SORCS2: variants seen among roughly 807,000 people sequenced by gnomAD.
SORCS2 encodes sortilin related VPS10 domain containing receptor 2.
In SORCS2, 100 loss-of-function variants were observed where a neutral mutation model predicts 141.6. The observed-to-expected ratio is 0.71, with a 90% CI of 0.60 to 0.83. The LOEUF (loss-of-function observed/expected upper bound fraction) is 0.83, where lower values mean the gene tolerates loss of function less well. Among genes scored for constraint, SORCS2 ranks in the 40% least tolerant of loss-of-function variants. SORCS2 has a pLI of 0.00. For missense variants in SORCS2, 1,646 were observed against 1,560.2 expected (o/e 1.05, Z -0.93); for synonymous variants, 789 against 676.9 (o/e 1.17, Z -2.57).
intron 2 of SORCS2, among the ~76,000 whole-genome samples, chr4:7,414,991 C>G (rs1345009100): frequency 6.6e-6 from 1 of 152,084 alleles, no homozygotes; most frequent in East Asian, 1.9e-4. Context: ...TCCGGCTTTC[C>G]TAGCTAGAGA....
At chr4:7,703,665 C>T (rs1383991520) in intron 13 of SORCS2, among the ~76,000 whole-genome samples, 1 of 152,150 alleles carries the variant, frequency 6.6e-6, no homozygotes, top group Non-Finnish European at 1.5e-5. Flanking sequence ...TAGTAAAGTG[C>T]AGGGATTGGG....
chr4:7,313,299 A>G (rs139215261), intron 1 of SORCS2, among the ~76,000 whole-genome samples: 98 of 152,356 alleles, frequency 6.4e-4, no homozygotes, highest in African/African-American at 2.3e-3. Context: ...TTGTTAGAAA[A>G]TCATGGAGTG....
At chr4:7,323,737 A>C (rs1719054081) in intron 1 of SORCS2, among the ~76,000 whole-genome samples, 1 of 152,014 alleles carries the variant, frequency 6.6e-6, no homozygotes, top group East Asian at 1.9e-4. Context: ...GTTTGCCACT[A>C]TCACTCTACC....
intron 3 of SORCS2, among the ~76,000 whole-genome samples, chr4:7,601,610 C>G (rs1717673703): frequency 1.1e-5 from 1 of 94,052 alleles, no homozygotes; most frequent in African/African-American, 4.8e-5. Context: ...CAAAGCAAGA[C>G]TCTCTCAAAA....
chr4:7,410,714 A>G (rs563481054), intron 2 of SORCS2, among the ~76,000 whole-genome samples: 19 of 152,264 alleles, frequency 1.2e-4, no homozygotes, highest in Non-Finnish European at 2.5e-4. Flanking sequence ...TTTAAACAAG[A>G]GTCACAGCAG....
chr4:7,288,041 T>A (rs765400618), intron 1 of SORCS2, among the ~76,000 whole-genome samples: 18 of 152,234 alleles, frequency 1.2e-4, no homozygotes, highest in Non-Finnish European at 1.8e-4. Flanking sequence ...GGAGGCGTCC[T>A]GAAAGCCAGC....
intron 9 of SORCS2, among the ~76,000 whole-genome samples, chr4:7,681,266 G>GATC: frequency 6.6e-6 from 1 of 152,344 alleles, no homozygotes; most frequent in Non-Finnish European, 1.5e-5. Flanking sequence ...GGTTGCAGAA[G>GATC]GAATTAAGGC....
At chr4:7,649,145 G>C (rs1721270735) in intron 4 of SORCS2, among the ~76,000 whole-genome samples, 1 of 152,206 alleles carries the variant, frequency 6.6e-6, no homozygotes, top group Admixed American at 6.5e-5. Flanking sequence ...GCAAAGGCCT[G>C]ACCCGGGGGA....
chr4:7,557,638 A>G (rs982911085), intron 3 of SORCS2, among the ~76,000 whole-genome samples: 15 of 152,228 alleles, frequency 9.9e-5, no homozygotes, highest in Non-Finnish European at 2.2e-4. Context: ...GGGCTTTTCC[A>G]TCTCCAGTGC....
chr4:7,543,729 CAT>C (rs1712941215), intron 3 of SORCS2, among the ~76,000 whole-genome samples: 1 of 129,990 alleles, frequency 7.7e-6, no homozygotes, highest in African/African-American at 3.0e-5. Context: ...CCCATCCACC[CAT>C]CCACCCATCC....
chr4:7,589,506 G>T (rs536830564), intron 3 of SORCS2, among the ~76,000 whole-genome samples: 1 of 152,122 alleles, frequency 6.6e-6, no homozygotes, highest in Admixed American at 6.5e-5. Flanking sequence ...GGGTTCAAGC[G>T]ATTCTTCTGC....
At chr4:7,452,870 CAGGTGCCGTGTTGGGGTCAGGCGCT>C (rs1728562028) in intron 2 of SORCS2, among the ~76,000 whole-genome samples, 1 of 136,274 alleles carries the variant, frequency 7.3e-6, no homozygotes, top group Non-Finnish European at 1.6e-5. Context: ...GTGTTGGGGT[CAGGTGCCGTGTTGGGGTCAGGCGCT>C]GTGTTGGGGT....
chr4:7,252,834 A>T (rs911296905), intron 1 of SORCS2, among the ~76,000 whole-genome samples: 6 of 152,242 alleles, frequency 3.9e-5, no homozygotes, highest in Non-Finnish European at 8.8e-5. Context: ...CTGGTTCCTC[A>T]TGAGTGGCAA....
intron 11 of SORCS2, among the ~76,000 whole-genome samples, chr4:7,695,296 ATGGGTGAGTGAATGGG>A (rs1724530191): frequency 2.0e-5 from 1 of 49,172 alleles, no homozygotes; most frequent in Non-Finnish European, 3.8e-5. Flanking sequence ...GGATGGTTGG[ATGGGTGAGTGAATGGG>A]TGGGTGGGTG....
chr4:7,451,184 G>A (rs892132158), intron 2 of SORCS2, among the ~76,000 whole-genome samples: 10 of 152,226 alleles, frequency 6.6e-5, no homozygotes, highest in Non-Finnish European at 1.2e-4. Context: ...GAATAAATGC[G>A]TGAATGAATG....
At chr4:7,269,923 A>G (rs554385077) in intron 1 of SORCS2, among the ~76,000 whole-genome samples, 1 of 152,350 alleles carries the variant, frequency 6.6e-6, no homozygotes, top group Admixed American at 6.5e-5. Flanking sequence ...TTTGTCACCC[A>G]GGCTGGAGTG....
At chr4:7,409,323 G>C (rs886301009) in intron 2 of SORCS2, among the ~76,000 whole-genome samples, 2 of 152,144 alleles carry the variant, frequency 1.3e-5, no homozygotes, top group South Asian at 4.2e-4. Flanking sequence ...AATAGGGGAG[G>C]TCTCAAAGGG....
intron 1 of SORCS2, among the ~76,000 whole-genome samples, chr4:7,313,500 C>T (rs1023492320): frequency 2.0e-5 from 3 of 152,120 alleles, no homozygotes; most frequent in East Asian, 1.9e-4. Flanking sequence ...GTCACTGGAG[C>T]GGAGGTCGGG....
chr4:7,344,884 C>A (rs1033172974), intron 1 of SORCS2, among the ~76,000 whole-genome samples: 1 of 152,152 alleles, frequency 6.6e-6, no homozygotes, highest in Non-Finnish European at 1.5e-5. Flanking sequence ...CACAGTGGAT[C>A]GGAGGGGGAG....
Sources: gnomAD v4.1 joint callset for allele counts (sites outside exome capture counted in the v4.1 genomes callset) on GRCh38, gnomAD v4.1.1 for gene constraint, MANE v1.5 for transcripts, NCBI Gene and HGNC (gene_info 2026-07-23, HGNC 2026-07-21) for gene names.